The following DGKG variants were observed in gnomAD, a reference collection of about 807,000 sequenced individuals.
DGKG encodes DAG kinase gamma.
A neutral mutation model predicts 105.3 loss-of-function variants in DGKG; 78 were observed. The observed-to-expected ratio is 0.74, with a 90% CI of 0.62 to 0.89. The LOEUF (loss-of-function observed/expected upper bound fraction) is 0.89, where lower values mean the gene tolerates loss of function less well. Ranked by LOEUF, DGKG falls within the 40% of genes least tolerant of loss-of-function variation. DGKG has a pLI of 0.00. For synonymous variants in DGKG, 346 were observed against 367.1 expected, an observed-to-expected ratio of 0.94 and a Z score of 0.66; for missense variants, 958 against 1,020.1, an observed-to-expected ratio of 0.94 and a Z score of 0.83.
At position 186,153,965 on chromosome 3, in the gene DGKG, C is replaced by T. The variant is rs559928465; in HGVS notation, c.2278-3777G>A. Among the ~76,000 whole-genome samples, 37 of 152,172 alleles carry T rather than the reference C, an allele frequency of 2.4e-4. 1 individual carries two copies. The highest frequency in any genetic ancestry group is 3.4e-3 in the Middle Eastern group (1 of 294). On this transcript the variant is annotated intron_variant, in intron 24 of 24. Transcript: ENST00000265022. The stretch of plus-strand genomic sequence containing the variant: ...ACAAAAAATACAAAAATTAGCTAGA[C>T]GTGGAGGCGCGCCCTTAGCTACTTG...
At chr3:186,187,903 C>A (rs1459878723) in intron 22 of DGKG, among the ~76,000 whole-genome samples, 2 of 152,140 alleles carry the variant, frequency 1.3e-5, no homozygotes, top group African/African-American at 4.8e-5. Context: ...GGGTTAGGAA[C>A]TGACTATTGG....
intron 21 of DGKG, among the ~76,000 whole-genome samples, chr3:186,197,129 C>T (rs1162741692): frequency 1.3e-5 from 2 of 152,056 alleles, no homozygotes; most frequent in Non-Finnish European, 2.9e-5. Flanking sequence ...CTTCCTTTCT[C>T]AGCGAGTGAG....
chr3:186,321,551 A>C (rs547888273), intron 1 of DGKG, among the ~76,000 whole-genome samples: 1 of 152,360 alleles, frequency 6.6e-6, no homozygotes, highest in East Asian at 1.9e-4. Context: ...AAGGTGAGAA[A>C]TAAAGACCAA....
intron 2 of DGKG, 80 bp downstream of exon 2, chr3:186,320,313 T>C: frequency 6.4e-7 from 1 of 1,557,288 alleles, no homozygotes; most frequent in Non-Finnish European, 8.8e-7. Flanking sequence ...TTTGCAATGA[T>C]CATACTGCTA....
chr3:186,263,324 TG>T (rs1221431453), intron 14 of DGKG, among the ~76,000 whole-genome samples: 4 of 152,118 alleles, frequency 2.6e-5, no homozygotes, highest in Middle Eastern at 3.4e-3. Context: ...CCTAGCACTT[TG>T]GGAGGCTGAG....
intron 11 of DGKG, among the ~76,000 whole-genome samples, chr3:186,271,693 C>T (rs1722324216): frequency 6.6e-6 from 1 of 152,232 alleles, no homozygotes; most frequent in Non-Finnish European, 1.5e-5. Context: ...GATCTCACCA[C>T]TTTCTGAGTG....
At chr3:186,238,242 G>A (rs1172029661) in intron 20 of DGKG, among the ~76,000 whole-genome samples, 1 of 133,276 alleles carries the variant, frequency 7.5e-6, no homozygotes, top group African/African-American at 2.8e-5. Context: ...GTTGCAGTGA[G>A]CCAAGATCAC....
rs539628610 is a variant in DGKG at position 186,320,038 on chromosome 3, C to T, written c.67+355G>A. On this transcript the variant is annotated intron_variant, in intron 2 of 24. Transcript: ENST00000265022. ...GAGCAAATACATACGATATATTAGG[C>T]GGAAAATGCAGGCTTAACGCAGGGT... Among the ~76,000 whole-genome samples the T allele has an allele frequency of 3.5e-4, 54 of 152,214 alleles. No individual in the cohort carries two copies. In the South Asian group the frequency reaches 9.9e-3, roughly 28 times the overall value.
intron 2 of DGKG, among the ~76,000 whole-genome samples, chr3:186,307,549 A>G (rs1421613887): frequency 2.6e-5 from 4 of 152,196 alleles, no homozygotes; most frequent in Non-Finnish European, 5.9e-5. Flanking sequence ...GTACACAACT[A>G]TGTAATAGTG....
chr3:186,236,803 A>T (rs1183142038), intron 20 of DGKG, among the ~76,000 whole-genome samples: 1 of 152,268 alleles, frequency 6.6e-6, no homozygotes, highest in Non-Finnish European at 1.5e-5. Context: ...AGGGCCTAAC[A>T]GGAAATAACT....
At chr3:186,228,431 C>T (rs769697941) in intron 20 of DGKG, among the ~76,000 whole-genome samples, 1 of 152,162 alleles carries the variant, frequency 6.6e-6, no homozygotes, top group Non-Finnish European at 1.5e-5. Flanking sequence ...ATTTTTGCTC[C>T]ACAAATACTT....
rs1720145293 is a variant in DGKG at position 186,231,404 on chromosome 3, C to A, written c.1826+11100G>T. On this transcript the variant is annotated intron_variant, in intron 20 of 24. Coordinates refer to ENST00000265022, the MANE Select transcript of DGKG (RefSeq NM_001346.3). The surrounding 1 kb of genome is among the most constrained non-coding windows in gnomAD (Gnocchi z 4.5). ...AACTAGTGTGGTCTTGAGCAAGTTG[C>A]ATCATCTCTATGAGCCTCACTTTTC... 1.3e-5 allele frequency among the ~76,000 whole-genome samples: 2 copies of A among 152,128 alleles called. No individual in the cohort carries two copies. The highest frequency in any genetic ancestry group is 1.3e-4 in the Admixed American group (2 of 15,278).
chr3:186,344,682 AC>A (rs577872440), intron 1 of DGKG, among the ~76,000 whole-genome samples: 115 of 151,850 alleles, frequency 7.6e-4, no homozygotes, highest in African/African-American at 2.6e-3. Context: ...CTGTACAACA[AC>A]CCCCCATGAC....
chr3:186,261,863 A>T, intron 14 of DGKG, 85 bp from the exon 15 acceptor site: 2 of 861,994 alleles, frequency 2.3e-6, no homozygotes, highest in East Asian at 5.5e-5. Context: ...ACAGCTTCGG[A>T]GAGGCAGATG....
chr3:186,167,879 G>C (rs1047138155), intron 22 of DGKG, among the ~76,000 whole-genome samples: 3 of 152,208 alleles, frequency 2.0e-5, no homozygotes, highest in Non-Finnish European at 2.9e-5. Flanking sequence ...TTCTATTCTT[G>C]AAGGGCTCTT....
intron 1 of DGKG, among the ~76,000 whole-genome samples, chr3:186,325,276 A>G (rs1725284126): frequency 6.6e-6 from 1 of 152,206 alleles, no homozygotes; most frequent in Non-Finnish European, 1.5e-5. Context: ...TGAAAAACTG[A>G]AAAACTGAAA....
chr3:186,218,093 A>G (rs1226551518), intron 20 of DGKG, among the ~76,000 whole-genome samples: 1 of 152,134 alleles, frequency 6.6e-6, no homozygotes, highest in Non-Finnish European at 1.5e-5. Context: ...GATTTAGTGG[A>G]GACTGTGCTG....
Position 186,257,292 on chromosome 3 carries a change from G to T in DGKG, c.1510+562C>A, listed in dbSNP as rs567414611. On this transcript the variant is annotated intron_variant, in intron 17 of 24. Coordinates refer to ENST00000265022, the MANE Select transcript of DGKG (RefSeq NM_001346.3). ...ACTTACTGGGGCTGATGTGTCCGAG[G>T]ACCCACAGATCCAGGTAGAGCTGGG... Among the ~76,000 whole-genome samples the T allele has an allele frequency of 4.6e-5, 7 of 152,356 alleles. No homozygotes were observed. The South Asian group carries it at 1.4e-3, about 32-fold the overall frequency.
chr3:186,201,923 A>G (rs1407509750), intron 21 of DGKG, among the ~76,000 whole-genome samples: 1 of 152,244 alleles, frequency 6.6e-6, no homozygotes, highest in Non-Finnish European at 1.5e-5. Context: ...CCCTTTATCA[A>G]CTAAATGGAC....
Sources: allele counts gnomAD v4.1 joint callset (sites outside exome capture counted in the v4.1 genomes callset), GRCh38; gene constraint gnomAD v4.1.1; non-coding constraint Gnocchi (gnomAD v3.1); transcripts MANE v1.5; gene names NCBI Gene and HGNC (gene_info 2026-07-23, HGNC 2026-07-21).